RAD51C: variants seen among roughly 807,000 people sequenced by gnomAD.
RAD51C encodes DNA repair protein RAD51 homolog 3.
Under a neutral mutation model 45.0 loss-of-function variants are expected in RAD51C, and 42 were observed. The observed-to-expected ratio is 0.93, with a 90% CI of 0.73 to 1.21. The LOEUF (loss-of-function observed/expected upper bound fraction) is 1.21. RAD51C is among the 50% of genes most tolerant of loss of function. The pLI is 0.00. For synonymous variants in RAD51C, 172 were observed against 159.8 expected (o/e 1.08, Z -0.58); for missense variants, 474 against 452.2 (o/e 1.05, Z -0.44).
chr17:58,732,222 ATC>A (rs2049455848), intron 7 of RAD51C: 1 of 360,194 alleles, frequency 2.8e-6, no homozygotes, highest in Admixed American at 4.1e-5. Context: ...CATAAGTAAT[ATC>A]TCATCATATG....
At chr17:58,692,956 A>T in intron 1 of RAD51C, 168 bp downstream of exon 1, 1 of 953,666 alleles carries the variant, frequency 1.0e-6, no homozygotes, top group South Asian at 1.5e-5. Context: ...AAGTTGTCTG[A>T]ATGGTTAGGA....
chr17:58,726,644 G>A (rs909478476), intron 7 of RAD51C, among the ~76,000 whole-genome samples: 23 of 145,922 alleles, frequency 1.6e-4, no homozygotes, highest in African/African-American at 2.7e-4. Context: ...ATGTATATAC[G>A]TATACGTATA....
chr17:58,716,967 A>C (rs1025204884), intron 5 of RAD51C, among the ~76,000 whole-genome samples: 3 of 151,444 alleles, frequency 2.0e-5, no homozygotes, highest in African/African-American at 7.3e-5. Context: ...CGCCCGGCTA[A>C]TTTTTTGTGT....
intron 8 of RAD51C, among the ~76,000 whole-genome samples, chr17:58,733,100 C>T (rs1197852547): frequency 6.6e-6 from 1 of 152,096 alleles, no homozygotes. Context: ...ACTGCAGCCT[C>T]CGCCCTACTG....
Position 58,732,510 on chromosome 17 carries a change from G to C in RAD51C, c.992G>C (p.Ser331Thr). ...QRLATLYKSP[S>T]QKECTVLFQI... ...TTGGCAACATTGTACAAGTCACCCA[G>C]CCAGAAGGAATGCACAGTACTGTTT... Residue 331 changes from serine (S) to threonine (T), a missense_variant, in exon 8 of 9, where the codon AGC (serine) becomes ACC (threonine). Physicochemically the swap from Ser to Thr is moderately conservative, Grantham distance 58. Transcript: ENST00000337432. 3.7e-6 allele frequency: 6 copies of C among 1,613,460 alleles called. No individual in the cohort carries two copies. The highest frequency in any genetic ancestry group is 5.1e-6 in the Non-Finnish European group (6 of 1,179,582).
At chr17:58,723,783 G>A (rs957503596) in intron 6 of RAD51C, among the ~76,000 whole-genome samples, 7 of 151,792 alleles carry the variant, frequency 4.6e-5, no homozygotes, top group African/African-American at 1.7e-4. Flanking sequence ...TGATGATATG[G>A]AAAATTGACA....
chr17:58,692,930 C>G, intron 1 of RAD51C, 142 bp downstream of exon 1: 1 of 1,219,218 alleles, frequency 8.2e-7, no homozygotes. Flanking sequence ...TGAAAGAGCT[C>G]CTCGACTCCA....
intron 1 of RAD51C, 54 bp from the exon 2 acceptor site, chr17:58,694,877 T>C: frequency 3.5e-6 from 5 of 1,438,678 alleles, no homozygotes; most frequent in South Asian, 2.3e-5. Context: ...GATTATCATG[T>C]TACACTTTTA....
At chr17:58,731,029 A>G (rs2049398052) in intron 7 of RAD51C, among the ~76,000 whole-genome samples, 1 of 152,152 alleles carries the variant, frequency 6.6e-6, no homozygotes. Context: ...TTGGAATCAT[A>G]TAATACTTGT....
chr17:58,695,754 C>T (rs2047980919), intron 2 of RAD51C, among the ~76,000 whole-genome samples: 1 of 150,736 alleles, frequency 6.6e-6, no homozygotes, highest in African/African-American at 2.4e-5. Context: ...CACTGGGCAG[C>T]AGAGTGAGAC....
At chr17:58,721,396 G>C (rs1422000209) in intron 6 of RAD51C, among the ~76,000 whole-genome samples, 1 of 152,202 alleles carries the variant, frequency 6.6e-6, no homozygotes, top group Non-Finnish European at 1.5e-5. Context: ...TCACACTACA[G>C]TGAATATCGT....
At chr17:58,726,386 C>CGTGTATGTATATAT (rs1567812222) in intron 7 of RAD51C, among the ~76,000 whole-genome samples, 1 of 146,334 alleles carries the variant, frequency 6.8e-6, no homozygotes, top group Non-Finnish European at 1.5e-5. Context: ...TACATATATA[C>CGTGTATGTATATAT]GTGTATGTAT....
intron 8 of RAD51C, chr17:58,732,874 G>A: frequency 3.3e-6 from 1 of 302,926 alleles, no homozygotes; most frequent in Non-Finnish European, 6.3e-6. Flanking sequence ...TACTTATTTT[G>A]GTCTGTAGGT....
At chr17:58,715,777 A>T (rs1293141463) in intron 5 of RAD51C, among the ~76,000 whole-genome samples, 1 of 152,148 alleles carries the variant, frequency 6.6e-6, no homozygotes, top group Non-Finnish European at 1.5e-5. Context: ...TAAAGCTCTG[A>T]AGTTCATAAT....
chr17:58,705,729 T>C (rs891214474), intron 4 of RAD51C: 1 of 152,156 alleles, frequency 6.6e-6, no homozygotes, highest in Non-Finnish European at 1.5e-5. Flanking sequence ...TTTCTCCACA[T>C]ACATTCACAT....
At chr17:58,703,361 C>T in intron 4 of RAD51C, 32 bp downstream of exon 4, 1 of 1,596,360 alleles carries the variant, frequency 6.3e-7, no homozygotes, top group Non-Finnish European at 8.6e-7. Context: ...TGTAACTAAC[C>T]AAGTATTTTT....
chr17:58,694,856 T>C (rs1177163806), intron 1 of RAD51C, 75 bp from the exon 2 acceptor site: 1 of 1,318,354 alleles, frequency 7.6e-7, no homozygotes, highest in African/African-American at 1.5e-5. Context: ...TACAAATTAA[T>C]AAAGACAATC....
chr17:58,729,593 A>G (rs2049328146), intron 7 of RAD51C, among the ~76,000 whole-genome samples: 1 of 144,062 alleles, frequency 6.9e-6, no homozygotes, highest in Non-Finnish European at 1.5e-5. Context: ...GTTTTTTGAG[A>G]TGGAGTCTCA....
chr17:58,724,177 C>T, intron 7 of RAD51C, 77 bp downstream of exon 7: 1 of 1,404,006 alleles, frequency 7.1e-7, no homozygotes, highest in Non-Finnish European at 1.0e-6. Context: ...TTTCTTAGAG[C>T]TAGTCCTGTG....
Sources: allele counts gnomAD v4.1 joint callset (sites outside exome capture counted in the v4.1 genomes callset), GRCh38; gene constraint gnomAD v4.1.1; transcripts MANE v1.5; gene names NCBI Gene and HGNC (gene_info 2026-07-23, HGNC 2026-07-21).